Variants in C1orf94 observed in about 807,000 individuals in gnomAD.
C1orf94 encodes the protein chromosome 1 open reading frame 94.
A neutral mutation model predicts 53.6 loss-of-function variants in C1orf94; 45 were observed. That is an observed-to-expected ratio of 0.84 (90% CI 0.66 to 1.08). C1orf94 has a LOEUF of 1.08. C1orf94 is among the 50% of genes least tolerant of loss of function. The pLI is 0.00. For missense variants in C1orf94, 762 were observed against 738.9 expected (o/e 1.03, Z -0.36); for synonymous variants, 304 against 296.1 (o/e 1.03, Z -0.27).
intron 1 of C1orf94, among the ~76,000 whole-genome samples, chr1:34,191,294 A>C (rs1196353548): frequency 6.6e-6 from 1 of 152,198 alleles, no homozygotes; most frequent in Non-Finnish European, 1.5e-5. Flanking sequence ...AGTGCTTAGC[A>C]CAGTGCCTGG....
At position 34,200,871 on chromosome 1, in the gene C1orf94, G is replaced by A; in HGVS notation, c.1109G>A (p.Cys370Tyr). The A allele has an allele frequency of 6.2e-7, 1 of 1,614,176 alleles. No homozygotes were observed. The highest frequency in any genetic ancestry group is 8.5e-7 in the Non-Finnish European group (1 of 1,180,044). Residue 370 changes from cysteine to tyrosine, a missense_variant, in exon 3 of 7, where the codon TGC (cysteine) becomes TAC (tyrosine). Transcript: ENST00000488417. ...AAGGACGCCTGTGGTGAGGAGGGTTGCTGTGACGCAGTGGGCACCGCATCA... is the reference window on the plus strand; with the variant it reads ...AAGGACGCCTGTGGTGAGGAGGGTTACTGTGACGCAGTGGGCACCGCATCA... ...SQKDACGEEGCCDAVGTASLT... is the reference protein window; with the variant it reads ...SQKDACGEEGYCDAVGTASLT...
chr1:34,207,178 C>T (rs898893133), intron 4 of C1orf94, among the ~76,000 whole-genome samples: 2 of 152,058 alleles, frequency 1.3e-5, no homozygotes, highest in Non-Finnish European at 2.9e-5. Flanking sequence ...TTTTGAGCCT[C>T]ATCTTAAGGG....
upstream of C1orf94, among the ~76,000 whole-genome samples, chr1:34,175,513 T>C (rs939070938): frequency 2.6e-5 from 4 of 152,284 alleles, no homozygotes; most frequent in South Asian, 8.3e-4. Context: ...CTCAGAATTT[T>C]CCCCAAAGGA....
intron 6 of C1orf94, among the ~76,000 whole-genome samples, chr1:34,215,008 G>C (rs1488614911): frequency 6.6e-6 from 1 of 152,070 alleles, no homozygotes; most frequent in Admixed American, 6.5e-5. Context: ...GGATAATGAA[G>C]TGAACGAAAA....
intron 1 of C1orf94, among the ~76,000 whole-genome samples, chr1:34,183,273 A>G (rs1332438304): frequency 6.6e-6 from 1 of 152,264 alleles, no homozygotes; most frequent in Non-Finnish European, 1.5e-5. Context: ...AATTGTGGCA[A>G]GCCACTTATT....
At chr1:34,172,452 C>A (rs1642158846), upstream of C1orf94, among the ~76,000 whole-genome samples, 1 of 152,278 alleles carries the variant, frequency 6.6e-6, no homozygotes, top group Middle Eastern at 3.4e-3. Context: ...ATATTTAAAC[C>A]TTCTTCCTAC....
intron 6 of C1orf94, among the ~76,000 whole-genome samples, chr1:34,215,200 C>T (rs1051568578): frequency 2.0e-5 from 3 of 152,096 alleles, no homozygotes; most frequent in South Asian, 2.1e-4. Flanking sequence ...ACATACATTT[C>T]GGGGATGAGC....
intron 1 of C1orf94, among the ~76,000 whole-genome samples, chr1:34,179,451 A>G (rs906977305): frequency 1.3e-5 from 2 of 152,234 alleles, no homozygotes; most frequent in Non-Finnish European, 2.9e-5. Context: ...GTCAGTAGCA[A>G]TTTCCAGTAG....
chr1:34,188,174 T>A (rs370896275), intron 1 of C1orf94, among the ~76,000 whole-genome samples: 6 of 152,280 alleles, frequency 3.9e-5, no homozygotes, highest in East Asian at 3.9e-4. Context: ...GCACTACAGG[T>A]GACTCATGCA....
rs1323325251 is a variant in C1orf94, at chr1:34,212,393, C to T, written c.1708C>T (p.Pro570Ser). Reference protein sequence around the residue: ...MAGDGPQYLFPQGYGFGSTSG... With the variant: ...MAGDGPQYLFSQGYGFGSTSG... ...AGGAGATGGACCGCAGTACCTCTTT[C>T]CCCAAGGATATGGGTGAGTCAGCCC... Residue 570 changes from proline (P) to serine (S), a missense_variant, in exon 6 of 7, where the codon CCC becomes TCC. By Grantham distance (74) the Pro-to-Ser change is moderately conservative (BLOSUM62 -1). Coordinates refer to ENST00000488417, the MANE Select transcript of C1orf94 (RefSeq NM_001134734.2). 6.2e-7 allele frequency: 1 copy of T among 1,611,212 alleles called. No homozygotes were observed. The highest frequency in any genetic ancestry group is 8.5e-7 in the Non-Finnish European group (1 of 1,178,700).
At chr1:34,187,274 C>G (rs1642398009) in intron 1 of C1orf94, among the ~76,000 whole-genome samples, 1 of 152,148 alleles carries the variant, frequency 6.6e-6, no homozygotes, top group African/African-American at 2.4e-5. Flanking sequence ...CCAAGGTCAT[C>G]CAGCTCAGAG....
At chr1:34,191,643 C>G (rs992885413) in intron 1 of C1orf94, among the ~76,000 whole-genome samples, 2 of 152,178 alleles carry the variant, frequency 1.3e-5, no homozygotes, top group African/African-American at 2.4e-5. Context: ...GCCTTGGGTA[C>G]TGTGTTTGTC....
At chr1:34,193,618 G>C (rs765184971) in intron 1 of C1orf94, among the ~76,000 whole-genome samples, 128 of 152,314 alleles carry the variant, frequency 8.4e-4, no homozygotes, top group Non-Finnish European at 1.3e-3. Context: ...CCCTACATCA[G>C]CTTCTTCCCT....
chr1:34,184,608 G>A lies in C1orf94; in HGVS notation c.320+6499G>A, dbSNP rs542964931. Among the ~76,000 whole-genome samples, 2 of 152,344 alleles carry A rather than the reference G, an allele frequency of 1.3e-5. 1 individual carries two copies. Among genetic ancestry groups the A allele is most frequent in the African/African-American group, 4.8e-5 (2 of 41,582 alleles). On this transcript the variant is annotated intron_variant, in intron 1 of 6. Transcript: ENST00000488417. ...TTTCTGAGGCTATTTGTTGCAAGAA[G>A]GAAGAAGGCTTTTTTGCACTTATTT...
chr1:34,169,712 A>G (rs891186861), intron 1 of C1orf94, among the ~76,000 whole-genome samples: 1 of 151,992 alleles, frequency 6.6e-6, no homozygotes, highest in Non-Finnish European at 1.5e-5. Flanking sequence ...GAGAAGGGCT[A>G]CAGGACAAAG....
At chr1:34,202,033 C>A (rs780571235) in intron 3 of C1orf94, 51 bp from the exon 4 acceptor site, 30 of 1,583,972 alleles carry the variant, frequency 1.9e-5, no homozygotes, top group Non-Finnish European at 2.5e-5. Flanking sequence ...GGTGTCCTGG[C>A]CTCTCCCTGC....
chr1:34,177,892 G>A lies in C1orf94; in HGVS notation c.103G>A (p.Ala35Thr). 1.3e-6 allele frequency: 2 copies of A among 1,551,642 alleles called. No homozygotes were observed. Among genetic ancestry groups the A allele is most frequent in the Non-Finnish European group, 1.7e-6 (2 of 1,146,952 alleles). The change falls in exon 1 of 7, where the codon GCC (alanine) becomes ACC (threonine). Residue 35 changes from alanine to threonine, a missense_variant. Coordinates refer to ENST00000488417, the MANE Select transcript of C1orf94 (RefSeq NM_001134734.2). Reference protein sequence around the residue: ...ASGNGLPSSSALVAKGPCALG... With the variant: ...ASGNGLPSSSTLVAKGPCALG... ...CGGGAATGGGCTTCCTTCATCCTCG[G>A]CCCTGGTGGCCAAGGGCCCCTGCGC...
Position 34,197,928 on chromosome 1 carries a change from A to G in C1orf94, c.1009+15A>G. 2.5e-6 allele frequency: 4 copies of G among 1,604,508 alleles called. No individual in the cohort carries two copies. The highest frequency in any genetic ancestry group is 3.4e-6 in the Non-Finnish European group (4 of 1,174,844). Reference sequence around the variant, plus strand: ...CCACTTGATGGGTGAGTGGGGTTGGAACTGGGGTAGAGTGGGCCTGCAAGG... The same window carrying G: ...CCACTTGATGGGTGAGTGGGGTTGGGACTGGGGTAGAGTGGGCCTGCAAGG... On this transcript the variant is annotated intron_variant, in intron 2 of 6. Coordinates refer to ENST00000488417, the MANE Select transcript of C1orf94 (RefSeq NM_001134734.2). The surrounding 1 kb of genome is among the most constrained non-coding windows in gnomAD (Gnocchi z 4.1).
chr1:34,196,926 A>G (rs1642596094), intron 1 of C1orf94, among the ~76,000 whole-genome samples: 1 of 152,160 alleles, frequency 6.6e-6, no homozygotes, highest in South Asian at 2.1e-4. Flanking sequence ...AAGAACAAGG[A>G]GGAATGGACT....
Sources: gnomAD v4.1 joint callset for allele counts (sites outside exome capture counted in the v4.1 genomes callset) on GRCh38, gnomAD v4.1.1 for gene constraint, Gnocchi (gnomAD v3.1) non-coding constraint, MANE v1.5 for transcripts, NCBI Gene and HGNC (gene_info 2026-07-23, HGNC 2026-07-21) for gene names.